The following OGG1 variants were observed in gnomAD, a reference collection of about 807,000 sequenced individuals.
The protein encoded by OGG1 is 8-oxoguanine DNA glycosylase.
Under a neutral mutation model 42.3 loss-of-function variants are expected in OGG1, and 35 were observed. That is an observed-to-expected ratio of 0.83 (90% CI 0.63 to 1.10). The LOEUF is 1.10. Among genes scored for constraint, OGG1 ranks in the 50% least tolerant of loss-of-function variants. OGG1 has a pLI of 0.00. For missense variants in OGG1, 484 were observed against 446.7 expected, an observed-to-expected ratio of 1.08 and a Z score of -0.75; for synonymous variants, 189 against 179.0, an observed-to-expected ratio of 1.06 and a Z score of -0.44.
chr3:9,776,773 T>C (rs2078371559), intron 2 of OGG1, among the ~76,000 whole-genome samples: 2 of 152,152 alleles, frequency 1.3e-5, no homozygotes, highest in Non-Finnish European at 2.9e-5. Flanking sequence ...GTCACCTCCA[T>C]AGCTCTCAGC....
intron 3 of OGG1, among the ~76,000 whole-genome samples, chr3:9,753,273 A>G (rs1472805049): frequency 6.7e-6 from 1 of 150,210 alleles, no homozygotes; most frequent in Non-Finnish European, 1.5e-5. Flanking sequence ...GAACCTGGGA[A>G]GCAGAGGTTG....
rs914558186 is a variant in OGG1 at position 9,784,187 on chromosome 3, C to T, written c.382+2587C>T. On this transcript the variant is annotated intron_variant, in intron 3 of 3. Transcript: ENST00000426518. ...GGCAATTAGCTCCTCCTTGATGCGG[C>T]TCTCCAGGGACTTAGTATGCGGCAC... is the stretch of plus-strand genomic sequence containing the variant. 8.7e-6 allele frequency: 14 copies of T among 1,613,872 alleles called. No homozygotes were observed. The African/African-American group carries it at 1.2e-4, about 14-fold the overall frequency.
At chr3:9,759,868 T>G, downstream of OGG1, 1 of 1,563,804 alleles carries the variant, frequency 6.4e-7, no homozygotes, top group Non-Finnish European at 8.7e-7. Flanking sequence ...GCCAAATCAG[T>G]CCATGCCCCA....
chr3:9,788,420 T>A (rs565472430), downstream of OGG1, among the ~76,000 whole-genome samples: 48 of 152,044 alleles, frequency 3.2e-4, no homozygotes, highest in Non-Finnish European at 5.9e-4. Context: ...TAATTTTTTC[T>A]ATTTTTAGTA....
chr3:9,750,127 A>C lies in OGG1; in HGVS notation c.-160A>C. The C allele has an allele frequency of 1.1e-6, 1 of 910,730 alleles. No homozygotes were observed. The allele number at this position is 910,730 out of a possible 1,614,324, so 56.4% of individuals were successfully genotyped here. ...ATGACCCGCAAAGGGCGAGGCATGC[A>C]GGAGGTGGAGGAATTAAGTGAAACA... On this transcript the variant is annotated 5_prime_UTR_variant, in exon 1 of 7. Coordinates refer to ENST00000344629, the MANE Select transcript of OGG1 (RefSeq NM_002542.6).
In OGG1 at chr3:9,771,961, C is replaced by T. The variant is rs1321668519; in HGVS notation, c.295-9552C>T. 2.0e-5 allele frequency among the ~76,000 whole-genome samples: 3 copies of T among 151,892 alleles called. No individual in the cohort carries two copies. In the South Asian group the frequency reaches 6.2e-4, roughly 32 times the overall value. ...CCTCCCAAGTATCTGGGACTACAGG[C>T]GTGAACCAACACGCCCAACTAATTT... On this transcript the variant is annotated intron_variant, in intron 2 of 3. Transcript: ENST00000426518.
At chr3:9,775,798 C>G (rs2078356349) in intron 2 of OGG1, among the ~76,000 whole-genome samples, 2 of 152,108 alleles carry the variant, frequency 1.3e-5, no homozygotes, top group Non-Finnish European at 2.9e-5. Context: ...TGCCACCATG[C>G]CTGGCTACGT....
chr3:9,767,556 G>A, downstream of OGG1: 1 of 1,400,926 alleles, frequency 7.1e-7, no homozygotes. Context: ...AGATAGTGCT[G>A]CCACAGGGCC....
At chr3:9,754,600 A>G (rs1271123715) in intron 3 of OGG1, 104 bp from the exon 4 acceptor site, 4 of 1,267,038 alleles carry the variant, frequency 3.2e-6, no homozygotes, top group African/African-American at 1.5e-5. Flanking sequence ...TAGGAGGGGA[A>G]CTTAGGAAAA....
chr3:9,770,616 TCCTGAAGGAAACAGG>T (rs1384344352), downstream of OGG1, among the ~76,000 whole-genome samples: 2 of 151,926 alleles, frequency 1.3e-5, no homozygotes, highest in East Asian at 3.9e-4. Flanking sequence ...TAAATCGGGA[TCCTGAAGGAAACAGG>T]CCAAAAAGGA....
chr3:9,770,293 C>T (rs1041355848), downstream of OGG1, among the ~76,000 whole-genome samples: 3 of 152,182 alleles, frequency 2.0e-5, no homozygotes, highest in African/African-American at 7.2e-5. Context: ...GATTTTCTTT[C>T]AGACCAGTTC....
chr3:9,779,367 C>T (rs1039053912), intron 2 of OGG1, among the ~76,000 whole-genome samples: 7 of 152,124 alleles, frequency 4.6e-5, no homozygotes, highest in Non-Finnish European at 8.8e-5. Flanking sequence ...CCGCTGGCTC[C>T]GGCTCCCTCC....
At chr3:9,753,424 G>C (rs1281636951) in intron 3 of OGG1, among the ~76,000 whole-genome samples, 1 of 151,606 alleles carries the variant, frequency 6.6e-6, no homozygotes, top group Non-Finnish European at 1.5e-5. Flanking sequence ...AGGCCGAGGC[G>C]GGTGGATCAC....
downstream of OGG1, chr3:9,767,515 G>T: frequency 1.1e-6 from 1 of 898,636 alleles, no homozygotes; most frequent in Non-Finnish European, 1.7e-6. Context: ...CTGTCATCCA[G>T]AAGTGAAAAG....
chr3:9,781,838 T>C (rs922854662), intron 3 of OGG1, among the ~76,000 whole-genome samples: 2 of 135,298 alleles, frequency 1.5e-5, no homozygotes, highest in African/African-American at 5.5e-5. Context: ...TACTTCTTTT[T>C]TTTTTTTTTT....
chr3:9,784,006 T>C, intron 3 of OGG1: 4 of 1,605,094 alleles, frequency 2.5e-6, no homozygotes, highest in South Asian at 1.1e-5. Context: ...CCCCCGGGAC[T>C]GTGCATCCTG....
chr3:9,771,782 T>C (rs2078302983), intron 2 of OGG1, among the ~76,000 whole-genome samples: 1 of 148,786 alleles, frequency 6.7e-6, no homozygotes. Context: ...TAAGATGACC[T>C]CTGTCCTTTC....
At chr3:9,759,529 T>A (rs913984992), downstream of OGG1, 8 of 1,614,074 alleles carry the variant, frequency 5.0e-6, no homozygotes, top group African/African-American at 1.1e-4. Context: ...ATCTGCTCAC[T>A]CACCGACTGG....
chr3:9,750,566 C>T (rs1434958192), intron 1 of OGG1, 143 bp downstream of exon 1: 2 of 1,120,524 alleles, frequency 1.8e-6, no homozygotes. Context: ...GGTAGCCAAC[C>T]TGTTACCTTT....
Sources: gnomAD v4.1 joint callset for allele counts (sites outside exome capture counted in the v4.1 genomes callset) on GRCh38, gnomAD v4.1.1 for gene constraint, MANE v1.5 for transcripts, NCBI Gene and HGNC (gene_info 2026-07-23, HGNC 2026-07-21) for gene names.